The following TSNAX variants were observed in gnomAD, a reference collection of about 807,000 sequenced individuals.
TSNAX encodes translin associated factor X, also known as translin-associated protein X.
Under a neutral mutation model 33.0 loss-of-function variants are expected in TSNAX, and 12 were observed. That is an observed-to-expected ratio of 0.36 (90% CI 0.23 to 0.59). TSNAX has a LOEUF of 0.59. Among genes scored for constraint, TSNAX ranks in the 20% least tolerant of loss-of-function variants. TSNAX has a pLI of 0.74. For missense variants in TSNAX, 267 were observed against 341.3 expected, an observed-to-expected ratio of 0.78 and a Z score of 1.72; for synonymous variants, 110 against 117.2, an observed-to-expected ratio of 0.94 and a Z score of 0.40.
At chr1:231,540,870 A>T (rs1027926577) in intron 3 of TSNAX, among the ~76,000 whole-genome samples, 13 of 152,210 alleles carry the variant, frequency 8.5e-5, no homozygotes, top group African/African-American at 3.1e-4. Flanking sequence ...CTTTATCATT[A>T]TGATGGTATC....
chr1:231,561,133 C>T lies in TSNAX; in HGVS notation c.373C>T (p.Gln125Ter). Residue 125 changes from glutamine to a stop codon, truncating the protein, a stop_gained, in exon 5 of 6, where the codon CAG becomes TAG. Coordinates refer to ENST00000366639, the MANE Select transcript of TSNAX (RefSeq NM_005999.3). LOFTEE classifies it high-confidence loss of function. The stretch of plus-strand genomic sequence containing the variant: ...TTTCTTTGTCACGCTTTCAGGACTA[C>T]AGGAATATGTGGAAGCTGTCTCTTT... ...QFHRAITTGL[Q>*]EYVEAVSFQH... 6.2e-7 allele frequency: 1 copy of T among 1,609,396 alleles called. No individual in the cohort carries two copies. Among genetic ancestry groups the T allele is most frequent in the South Asian group, 1.1e-5 (1 of 89,350 alleles).
In TSNAX at chr1:231,564,920, C is replaced by A; in HGVS notation, c.*15C>A. On this transcript the variant is annotated 3_prime_UTR_variant, in exon 6 of 6. Coordinates refer to ENST00000366639, the MANE Select transcript of TSNAX (RefSeq NM_005999.3). ...GCATTTCTTAGAATCTAACGTTACT[C>A]AGTTACTAATTCTTTTGAGAACTCC... 6.2e-7 allele frequency: 1 copy of A among 1,605,710 alleles called. No homozygotes were observed. The highest frequency in any genetic ancestry group is 1.1e-5 in the South Asian group (1 of 90,218).
intron 4 of TSNAX, among the ~76,000 whole-genome samples, chr1:231,556,218 T>A (rs1351187555): frequency 6.6e-6 from 1 of 152,236 alleles, no homozygotes; most frequent in African/African-American, 2.4e-5. Context: ...AATTTATTTT[T>A]AAAAATAATT....
At chr1:231,533,738 T>A (rs555914391) in intron 2 of TSNAX, among the ~76,000 whole-genome samples, 2 of 145,834 alleles carry the variant, frequency 1.4e-5, no homozygotes, top group Non-Finnish European at 2.9e-5. Flanking sequence ...TTTTGCTTTA[T>A]TATTCTCTCT....
At chr1:231,554,541 A>G (rs958191576) in intron 4 of TSNAX, 1 of 152,228 alleles carries the variant, frequency 6.6e-6, no homozygotes, top group Non-Finnish European at 1.5e-5. Context: ...TAATTGAAGT[A>G]CAAGTTTTAT....
chr1:231,561,853 G>A (rs1413631750), intron 5 of TSNAX, among the ~76,000 whole-genome samples: 3 of 152,216 alleles, frequency 2.0e-5, no homozygotes, highest in East Asian at 1.9e-4. Flanking sequence ...CACCTGACAC[G>A]TAATATACAT....
At chr1:231,542,716 A>G in intron 4 of TSNAX, 105 bp downstream of exon 4, 1 of 1,328,376 alleles carries the variant, frequency 7.5e-7, no homozygotes, top group Admixed American at 2.4e-5. Context: ...AAATAATAAT[A>G]CTGGCTTTTA....
Position 231,532,151 on chromosome 1 carries a change from C to CACACACACACAT in TSNAX, c.121+2803_121+2804insTACACACACACA, listed in dbSNP as rs1392706772. On this transcript the variant is annotated intron_variant, in intron 2 of 5. Transcript: ENST00000366639. Reference sequence around the variant, plus strand: ...GTAATAACACACACACACACACACACACACACACACACACACACACACACA... The same window carrying CACACACACACAT: ...GTAATAACACACACACACACACACACACACACACACATACACACACACACACACACACACACA... Among the ~76,000 whole-genome samples, 13 of 86,152 alleles carry CACACACACACAT rather than the reference C, an allele frequency of 1.5e-4. No individual in the cohort carries two copies. The South Asian group carries it at 3.9e-3, about 26-fold the overall frequency. 56.5% of individuals were successfully genotyped at this position (86,152 alleles called of 152,430 possible). A position where few individuals can be genotyped will look rare whatever the true frequency, so the allele number is the denominator to read the frequency against.
At chr1:231,537,186 A>T in intron 2 of TSNAX, 27 bp from the exon 3 acceptor site, 1 of 1,514,332 alleles carries the variant, frequency 6.6e-7, no homozygotes. Flanking sequence ...TAGAATATAC[A>T]TGCTTATGAT....
chr1:231,537,923 G>A (rs372036854), intron 3 of TSNAX, among the ~76,000 whole-genome samples: 2 of 152,016 alleles, frequency 1.3e-5, no homozygotes, highest in South Asian at 2.1e-4. Context: ...GATGATATGC[G>A]TGAAAATTTT....
rs762560155 is a variant in TSNAX at position 231,542,444 on chromosome 1, T to G, written c.237-37T>G. 5 of 1,609,102 alleles carry G rather than the reference T, an allele frequency of 3.1e-6. No individual in the cohort carries two copies. The South Asian group carries it at 5.5e-5, about 18-fold the overall frequency. On this transcript the variant is annotated intron_variant, in intron 3 of 5. Coordinates refer to ENST00000366639, the MANE Select transcript of TSNAX (RefSeq NM_005999.3). ...ATTTTAGTTTTTCACTGTTAAAGCATCTGATGTTCTAAAAGTTCCCAATAT... is the reference window on the plus strand; with the variant it reads ...ATTTTAGTTTTTCACTGTTAAAGCAGCTGATGTTCTAAAAGTTCCCAATAT...
chr1:231,530,862 C>G (rs1658655450), intron 2 of TSNAX, among the ~76,000 whole-genome samples: 1 of 151,786 alleles, frequency 6.6e-6, no homozygotes, highest in African/African-American at 2.4e-5. Flanking sequence ...CACTCCAGCC[C>G]CGGCGACAGA....
In TSNAX at chr1:231,564,445, A is replaced by C; in HGVS notation, c.496-83A>C. Reference sequence around the variant, plus strand: ...TTTGTACTTCTATAATAAATGTGATACATGCTATATTCACTCTTTTTCACA... The same window carrying C: ...TTTGTACTTCTATAATAAATGTGATCCATGCTATATTCACTCTTTTTCACA... On this transcript the variant is annotated intron_variant, in intron 5 of 5. Coordinates refer to ENST00000366639, the MANE Select transcript of TSNAX (RefSeq NM_005999.3). 4 of 1,506,250 alleles carry C rather than the reference A, an allele frequency of 2.7e-6. No individual in the cohort carries two copies. The South Asian group carries it at 4.2e-5, about 16-fold the overall frequency. The allele number at this position is 1,506,250 out of a possible 1,614,324, so 93.3% of individuals were successfully genotyped here.
chr1:231,561,182 CATTA>C lies in TSNAX; in HGVS notation c.427_430del (p.Ile143ValfsTer9). ...TTTCAACACTTCATCAAAACACGAT[CATTA>C]ATTAGTATGGATGAAATTAATAAAC... is the stretch of plus-strand genomic sequence containing the variant. On this transcript the variant is annotated frameshift_variant, in exon 5 of 6. Transcript: ENST00000366639. LOFTEE classifies it high-confidence loss of function. 6.2e-7 allele frequency: 1 copy of C among 1,606,786 alleles called. No individual in the cohort carries two copies.
At chr1:231,556,673 C>G (rs1660717012) in intron 4 of TSNAX, among the ~76,000 whole-genome samples, 1 of 152,124 alleles carries the variant, frequency 6.6e-6, no homozygotes, top group African/African-American at 2.4e-5. Flanking sequence ...TGACATAGTT[C>G]TACTTTTTAT....
chr1:231,549,311 G>T (rs1434351127), intron 4 of TSNAX, among the ~76,000 whole-genome samples: 1 of 152,042 alleles, frequency 6.6e-6, no homozygotes, highest in African/African-American at 2.4e-5. Context: ...GGACATGGTG[G>T]CGTGCACCTG....
intron 4 of TSNAX, among the ~76,000 whole-genome samples, chr1:231,560,404 T>TCCC (rs1491140441): frequency 7.8e-5 from 6 of 76,960 alleles, no homozygotes; most frequent in African/African-American, 2.2e-4. Flanking sequence ...GCTTTTCTTT[T>TCCC]CTCCCCCCCC....
At chr1:231,562,557 A>G (rs1282895819) in intron 5 of TSNAX, among the ~76,000 whole-genome samples, 1 of 152,206 alleles carries the variant, frequency 6.6e-6, no homozygotes. Context: ...ATATTAGGGA[A>G]GTTACCACAC....
intron 4 of TSNAX, 49 bp downstream of exon 4, chr1:231,542,660 A>G: frequency 6.4e-7 from 1 of 1,560,294 alleles, no homozygotes; most frequent in Non-Finnish European, 8.7e-7. Context: ...ATGGTGTGCT[A>G]CATGATTAAC....
Sources: allele counts gnomAD v4.1 joint callset (sites outside exome capture counted in the v4.1 genomes callset), GRCh38; gene constraint gnomAD v4.1.1; transcripts MANE v1.5; gene names NCBI Gene and HGNC (gene_info 2026-07-23, HGNC 2026-07-21).